The following NCKAP5 variants were observed in gnomAD, a reference collection of about 807,000 sequenced individuals.
NCKAP5 encodes the protein nck-associated protein 5.
NCKAP5 carries 92 observed loss-of-function variants against 167.0 expected under a neutral mutation model. That is an observed-to-expected ratio of 0.55 (90% CI 0.47 to 0.66). The LOEUF is 0.66. Ranked by LOEUF, NCKAP5 falls within the 30% of genes least tolerant of loss-of-function variation. The probability of loss-of-function intolerance (pLI) is 0.00; values close to 1 mark genes in which losing one functional copy is unlikely to be tolerated. For missense variants in NCKAP5, 2,378 were observed against 2,315.0 expected, an observed-to-expected ratio of 1.03 and a Z score of -0.56; for synonymous variants, 891 against 877.4, an observed-to-expected ratio of 1.02 and a Z score of -0.27.
intron 4 of NCKAP5, among the ~76,000 whole-genome samples, chr2:133,272,047 A>AT (rs1216286540): frequency 2.6e-5 from 4 of 152,058 alleles, no homozygotes; most frequent in Non-Finnish European, 5.9e-5. Context: ...AAATATACTT[A>AT]TAAAAATCCA....
intron 6 of NCKAP5, among the ~76,000 whole-genome samples, chr2:133,018,606 G>T (rs1050235599): frequency 6.6e-6 from 1 of 152,290 alleles, no homozygotes; most frequent in Non-Finnish European, 1.5e-5. Context: ...TGAGTTAAAA[G>T]GACTTAGAAC....
intron 5 of NCKAP5, among the ~76,000 whole-genome samples, chr2:133,203,863 A>C (rs957874405): frequency 3.9e-5 from 6 of 152,214 alleles, no homozygotes; most frequent in Non-Finnish European, 7.3e-5. Context: ...TAAATCAGCT[A>C]TATAAATCCA....
At chr2:133,321,601 C>G (rs1432162652) in intron 3 of NCKAP5, among the ~76,000 whole-genome samples, 3 of 152,156 alleles carry the variant, frequency 2.0e-5, no homozygotes, top group African/African-American at 7.2e-5. Flanking sequence ...ACTGAAAAGT[C>G]AGACATGGTA....
intron 3 of NCKAP5, among the ~76,000 whole-genome samples, chr2:133,421,861 C>G (rs1689498915): frequency 6.6e-6 from 1 of 152,220 alleles, no homozygotes; most frequent in Admixed American, 6.5e-5. Context: ...ATTACATCAC[C>G]TGCACTAAAT....
the NCKAP5 span, among the ~76,000 whole-genome samples, chr2:133,618,762 C>G: frequency 2.0e-5 from 3 of 148,208 alleles, no homozygotes; most frequent in Non-Finnish European, 4.5e-5. Flanking sequence ...CCTCAGGGAT[C>G]TAGAACTGGA....
At chr2:133,417,070 C>T (rs1410217285) in intron 3 of NCKAP5, among the ~76,000 whole-genome samples, 1 of 150,812 alleles carries the variant, frequency 6.6e-6, no homozygotes, top group Non-Finnish European at 1.5e-5. Flanking sequence ...TTTCTCCTTA[C>T]TCTTTGATAT....
chr2:133,102,306 C>T (rs959177965), intron 6 of NCKAP5, among the ~76,000 whole-genome samples: 1 of 152,080 alleles, frequency 6.6e-6, no homozygotes, highest in African/African-American at 2.4e-5. Context: ...GCCACCAAGC[C>T]TGGCTAATTT....
chr2:132,764,274 A>T (rs1681261984), intron 16 of NCKAP5, among the ~76,000 whole-genome samples: 2 of 152,236 alleles, frequency 1.3e-5, no homozygotes, highest in African/African-American at 4.8e-5. Flanking sequence ...CTTGGGTTGT[A>T]GTAGGCAGTC....
intron 12 of NCKAP5, among the ~76,000 whole-genome samples, chr2:132,791,377 G>T (rs1684058871): frequency 1.3e-5 from 2 of 152,148 alleles, no homozygotes; most frequent in South Asian, 4.1e-4. Flanking sequence ...TTAGTGGAAG[G>T]TTCAAGCTGT....
chr2:133,315,407 G>A (rs1219525056), intron 3 of NCKAP5, among the ~76,000 whole-genome samples: 1 of 152,088 alleles, frequency 6.6e-6, no homozygotes, highest in Admixed American at 6.5e-5. Flanking sequence ...GCTATTTTGG[G>A]GTAAATTTGT....
the NCKAP5 span, among the ~76,000 whole-genome samples, chr2:133,644,943 G>T: frequency 6.6e-6 from 1 of 152,082 alleles, no homozygotes; most frequent in Non-Finnish European, 1.5e-5. Context: ...CAAAAAAAAT[G>T]AGAAATCTAT....
chr2:133,084,276 T>C (rs142297170), intron 6 of NCKAP5, among the ~76,000 whole-genome samples: 2 of 152,306 alleles, frequency 1.3e-5, no homozygotes, highest in East Asian at 3.9e-4. Context: ...ATGAATGGTG[T>C]ACAGTTTCAT....
chr2:132,900,019 C>T (rs1693496344), intron 8 of NCKAP5, among the ~76,000 whole-genome samples: 1 of 152,068 alleles, frequency 6.6e-6, no homozygotes, highest in Non-Finnish European at 1.5e-5. Context: ...TCAGGAAATA[C>T]ATGGCCCAAG....
At chr2:132,884,825 T>C (rs532019833) in intron 8 of NCKAP5, among the ~76,000 whole-genome samples, 10 of 151,862 alleles carry the variant, frequency 6.6e-5, no homozygotes, top group African/African-American at 2.4e-4. Context: ...TGGGAATTTA[T>C]ATGGGATATC....
intron 5 of NCKAP5, among the ~76,000 whole-genome samples, chr2:133,190,954 C>A (rs1425589682): frequency 6.6e-6 from 1 of 152,080 alleles, no homozygotes; most frequent in Non-Finnish European, 1.5e-5. Context: ...TTCTGCACAG[C>A]AAAAGAAACT....
At chr2:133,335,569 A>G (rs1254909217) in intron 3 of NCKAP5, among the ~76,000 whole-genome samples, 1 of 152,212 alleles carries the variant, frequency 6.6e-6, no homozygotes, top group Non-Finnish European at 1.5e-5. Context: ...CTTGTTCTAT[A>G]AAAAATGTAT....
intron 8 of NCKAP5, among the ~76,000 whole-genome samples, chr2:132,962,056 T>C (rs1423403829): frequency 6.6e-6 from 1 of 152,208 alleles, no homozygotes; most frequent in Non-Finnish European, 1.5e-5. Flanking sequence ...AGGGAGTTGC[T>C]AGCGATTCCT....
intron 4 of NCKAP5, 42 bp downstream of exon 4, chr2:133,302,995 A>G (rs1329786342): frequency 7.4e-7 from 1 of 1,358,952 alleles, no homozygotes; most frequent in South Asian, 1.2e-5. Context: ...GCTATAAAGG[A>G]TGCTACCTGA....
At chr2:133,502,038 T>C (rs1427800185) in intron 3 of NCKAP5, among the ~76,000 whole-genome samples, 1 of 152,212 alleles carries the variant, frequency 6.6e-6, no homozygotes, top group Non-Finnish European at 1.5e-5. Flanking sequence ...TCCTTGAGTG[T>C]CCGTTCGCCT....
Sources: gnomAD v4.1 joint callset for allele counts (sites outside exome capture counted in the v4.1 genomes callset) on GRCh38, gnomAD v4.1.1 for gene constraint, MANE v1.5 for transcripts, NCBI Gene and HGNC (gene_info 2026-07-23, HGNC 2026-07-21) for gene names.